The following JMJD1C variants were observed in gnomAD, a reference collection of about 807,000 sequenced individuals.
The protein encoded by JMJD1C is jumonji domain containing 1C.
JMJD1C carries 31 observed loss-of-function variants against 245.3 expected under a neutral mutation model. The ratio of observed to expected loss-of-function variants is 0.13; its 90% confidence interval spans 0.09 to 0.17. The LOEUF (loss-of-function observed/expected upper bound fraction) is 0.17. JMJD1C is among the 10% of genes least tolerant of loss of function. JMJD1C has a pLI of 1.00. For missense variants in JMJD1C, 2,691 were observed against 3,000.2 expected (o/e 0.90, Z 2.41); for synonymous variants, 1,057 against 1,017.4 (o/e 1.04, Z -0.74).
intron 2 of JMJD1C, among the ~76,000 whole-genome samples, chr10:63,303,440 G>C (rs1860334605): frequency 6.6e-6 from 1 of 152,106 alleles, no homozygotes; most frequent in African/African-American, 2.4e-5. Flanking sequence ...CAAGTAGCTG[G>C]GATTACAGGC....
intron 22 of JMJD1C, among the ~76,000 whole-genome samples, chr10:63,179,215 G>A (rs1365326150): frequency 6.6e-6 from 1 of 151,982 alleles, no homozygotes; most frequent in Non-Finnish European, 1.5e-5. Context: ...TTCGAGACTA[G>A]CCTGACCAAC....
intron 3 of JMJD1C, among the ~76,000 whole-genome samples, chr10:63,257,226 CA>C (rs71025139): frequency 0.59 from 54,182 of 92,226 alleles, 11,797 homozygotes; most frequent in Middle Eastern, 0.67. Context: ...GACTTCATCT[CA>C]AAAAAAAAAA....
In JMJD1C at chr10:63,520,171, G is replaced by A. The variant is rs556289496; in HGVS notation, n.113+1567C>T. Reference sequence around the variant, plus strand: ...AACTGAAAATAATTTAGGATAATCTGTTGTGTCCTTTGATTGTCTTCCATG... The same window carrying A: ...AACTGAAAATAATTTAGGATAATCTATTGTGTCCTTTGATTGTCTTCCATG... On this transcript the variant is annotated intron_variant and non_coding_transcript_variant, in intron 1 of 3. Coordinates refer to the JMJD1C transcript ENST00000633035. Among the ~76,000 whole-genome samples, 3 of 152,236 alleles carry A rather than the reference G, an allele frequency of 2.0e-5. No individual in the cohort carries two copies. The East Asian group carries it at 5.8e-4, about 29-fold the overall frequency.
At chr10:63,469,272 T>C (rs956260287), upstream of JMJD1C, among the ~76,000 whole-genome samples, 20 of 152,356 alleles carry the variant, frequency 1.3e-4, no homozygotes, top group Admixed American at 1.3e-3. Context: ...ACACTTACTA[T>C]GTGTCAGACA....
At chr10:63,316,116 G>A (rs905113534) in intron 2 of JMJD1C, among the ~76,000 whole-genome samples, 3 of 152,196 alleles carry the variant, frequency 2.0e-5, no homozygotes, top group Admixed American at 6.5e-5. Context: ...AAGCTGCAGT[G>A]AGCTATGGTT....
At chr10:63,252,249 T>G (rs1413648567) in intron 3 of JMJD1C, among the ~76,000 whole-genome samples, 1 of 152,254 alleles carries the variant, frequency 6.6e-6, no homozygotes, top group Non-Finnish European at 1.5e-5. Context: ...CTGTTAATTT[T>G]AAGTGTCAAC....
At chr10:63,254,888 C>T (rs1853643451) in intron 3 of JMJD1C, among the ~76,000 whole-genome samples, 1 of 149,444 alleles carries the variant, frequency 6.7e-6, no homozygotes, top group Non-Finnish European at 1.5e-5. Flanking sequence ...GGGTCTCCCT[C>T]TGTCACCCAG....
At chr10:63,461,401 TAAAG>T (rs1246539266) in intron 1 of JMJD1C, among the ~76,000 whole-genome samples, 3 of 152,090 alleles carry the variant, frequency 2.0e-5, no homozygotes, top group Non-Finnish European at 4.4e-5. Context: ...CAGACTGACA[TAAAG>T]AAACATACAA....
intron 2 of JMJD1C, among the ~76,000 whole-genome samples, chr10:63,355,732 CTAGT>C (rs965083188): frequency 4.0e-5 from 6 of 151,868 alleles, no homozygotes; most frequent in Admixed American, 3.3e-4. Context: ...GATGTTTTCC[CTAGT>C]TACTTATTAA....
intron 22 of JMJD1C, 77 bp from the exon 23 acceptor site, chr10:63,177,933 G>C: frequency 1.4e-6 from 2 of 1,450,866 alleles, no homozygotes; most frequent in East Asian, 2.3e-5. Flanking sequence ...TGATCTATCA[G>C]AGCAGCAGAG....
At chr10:63,223,169 CATA>C (rs1397790366) in intron 3 of JMJD1C, 1 of 564,222 alleles carries the variant, frequency 1.8e-6, no homozygotes, top group African/African-American at 2.0e-5. Flanking sequence ...AACTTCCATA[CATA>C]ACCATCCATA....
intron 2 of JMJD1C, among the ~76,000 whole-genome samples, chr10:63,307,055 T>C (rs1938351099): frequency 6.6e-6 from 1 of 152,218 alleles, no homozygotes; most frequent in Non-Finnish European, 1.5e-5. Flanking sequence ...ATATTACTTC[T>C]TAAACATTTA....
At chr10:63,411,462 C>T (rs868004292) in intron 1 of JMJD1C, among the ~76,000 whole-genome samples, 222 of 152,024 alleles carry the variant, frequency 1.5e-3, no homozygotes, top group African/African-American at 4.9e-3. Context: ...CCATGTCCGG[C>T]TAATTTTTGT....
intron 17 of JMJD1C, among the ~76,000 whole-genome samples, chr10:63,189,840 T>C (rs1163046017): frequency 2.6e-5 from 4 of 151,834 alleles, no homozygotes; most frequent in Non-Finnish European, 4.4e-5. Flanking sequence ...CCTCCCAAAG[T>C]GCTAGGATTA....
At chr10:63,513,129 T>A (rs1348817997) in intron 1 of JMJD1C, among the ~76,000 whole-genome samples, 1 of 152,172 alleles carries the variant, frequency 6.6e-6, no homozygotes, top group African/African-American at 2.4e-5. Flanking sequence ...ATATTTTTTT[T>A]AATTCATAGC....
intron 2 of JMJD1C, among the ~76,000 whole-genome samples, chr10:63,287,403 T>C (rs558088730): frequency 6.6e-6 from 1 of 152,348 alleles, no homozygotes; most frequent in South Asian, 2.1e-4. Flanking sequence ...TGATATCATT[T>C]GAAATGAAAA....
intron 1 of JMJD1C, among the ~76,000 whole-genome samples, chr10:63,414,869 T>C (rs904031308): frequency 2.7e-5 from 4 of 148,102 alleles, no homozygotes; most frequent in Non-Finnish European, 4.4e-5. Context: ...ATCAGGCCAC[T>C]GCACTCCAGC....
chr10:63,242,540 G>A (rs768763010), intron 3 of JMJD1C, among the ~76,000 whole-genome samples: 1 of 152,186 alleles, frequency 6.6e-6, no homozygotes, highest in East Asian at 1.9e-4. Flanking sequence ...TGGCCAACAT[G>A]GTGAAACAAA....
intron 3 of JMJD1C, among the ~76,000 whole-genome samples, chr10:63,248,953 TTAA>T (rs1852666893): frequency 6.6e-6 from 1 of 152,164 alleles, no homozygotes; most frequent in Non-Finnish European, 1.5e-5. Flanking sequence ...GGTTATTACG[TTAA>T]ATGAAATAAG....
Sources: allele counts gnomAD v4.1 joint callset (sites outside exome capture counted in the v4.1 genomes callset), GRCh38; gene constraint gnomAD v4.1.1; transcripts MANE v1.5; gene names NCBI Gene and HGNC (gene_info 2026-07-23, HGNC 2026-07-21).